The following DDX19B variants were observed in gnomAD, a reference collection of about 807,000 sequenced individuals.
The protein encoded by DDX19B is DEAD-box helicase 19B, also known as ATP-dependent RNA helicase DDX19B.
Under a neutral mutation model 58.1 loss-of-function variants are expected in DDX19B, and 27 were observed. The ratio of observed to expected loss-of-function variants is 0.46; its 90% confidence interval spans 0.34 to 0.64. The LOEUF (loss-of-function observed/expected upper bound fraction) is 0.64. Ranked by LOEUF, DDX19B falls within the 30% of genes least tolerant of loss-of-function variation. The pLI is 0.01. For synonymous variants in DDX19B, 187 were observed against 214.4 expected, an observed-to-expected ratio of 0.87 and a Z score of 1.12; for missense variants, 399 against 596.5, an observed-to-expected ratio of 0.67 and a Z score of 3.45.
chr16:70,331,344 G>GC (rs1285561999), intron 9 of DDX19B, among the ~76,000 whole-genome samples: 4 of 152,100 alleles, frequency 2.6e-5, no homozygotes, highest in African/African-American at 9.7e-5. Context: ...ACCATATCTG[G>GC]CAAGAACATA....
At position 70,334,869 on chromosome 16, in the gene DDX19B, A is replaced by C. The variant is rs1567642840; in HGVS notation, c.*1287A>C. 1 of 152,262 alleles carries C rather than the reference A, an allele frequency of 6.6e-6. No individual in the cohort carries two copies. The highest frequency in any genetic ancestry group is 6.5e-5 in the Admixed American group (1 of 15,274). The allele number at this position is 152,262 out of a possible 1,614,324, so 9.4% of individuals were successfully genotyped here. ...GAGAGGAAACTGAATTGCAAGAGCA[A>C]TATGAAACCCCAACCAAGAGGAGTA... On this transcript the variant is annotated 3_prime_UTR_variant, in exon 12 of 12. Coordinates refer to ENST00000288071, the MANE Select transcript of DDX19B (RefSeq NM_007242.7).
Position 70,333,731 on chromosome 16 carries a change from G to A in DDX19B, c.*149G>A, listed in dbSNP as rs1679. 39 of 1,234,074 alleles carry A rather than the reference G, an allele frequency of 3.2e-5. No individual in the cohort carries two copies. The Admixed American group carries it at 5.9e-4, about 19-fold the overall frequency. The allele number at this position is 1,234,074 out of a possible 1,614,324, so 76.4% of individuals were successfully genotyped here. On this transcript the variant is annotated 3_prime_UTR_variant, in exon 12 of 12. Coordinates refer to ENST00000288071, the MANE Select transcript of DDX19B (RefSeq NM_007242.7). The stretch of plus-strand genomic sequence containing the variant: ...CTCACTTCAAATTATGTTTGGACTT[G>A]ACAAAAATGTATGCAAATGATGGGG...
chr16:70,328,273 A>G (rs1217489063), intron 7 of DDX19B, among the ~76,000 whole-genome samples: 9 of 152,182 alleles, frequency 5.9e-5, no homozygotes, highest in Non-Finnish European at 8.8e-5. Context: ...AGTTCTGAAA[A>G]GTAAATAATA....
At chr16:70,331,645 G>A (rs1963482082) in intron 9 of DDX19B, 77 bp from the exon 10 acceptor site, 2 of 1,527,000 alleles carry the variant, frequency 1.3e-6, no homozygotes, top group Middle Eastern at 1.7e-4. Context: ...TTTAATCGTG[G>A]CAAGCCACTT....
chr16:70,299,262 T>TCCA lies in DDX19B; in HGVS notation c.-32_-30dup. ...ACGATCCCTCGTGCCATCCCTCGAA[T>TCCA]CCACCAGCACGAGCGTCCCACCCGC... is the stretch of plus-strand genomic sequence containing the variant. On this transcript the variant is annotated 5_prime_UTR_variant, in exon 1 of 12. Transcript: ENST00000288071. The TCCA allele has an allele frequency of 2.6e-6, 4 of 1,536,826 alleles. No individual in the cohort carries two copies. The highest frequency in any genetic ancestry group is 3.5e-6 in the Non-Finnish European group (4 of 1,142,428).
At position 70,333,753 on chromosome 16, in the gene DDX19B, G is replaced by T; in HGVS notation, c.*171G>T. On this transcript the variant is annotated 3_prime_UTR_variant, in exon 12 of 12. Transcript: ENST00000288071. ...CTTGACAAAAATGTATGCAAATGAT[G>T]GGGGATGGTAGAAAAAAATTATTTA... The T allele has an allele frequency of 1.0e-6, 1 of 970,186 alleles. No homozygotes were observed. Among genetic ancestry groups the T allele is most frequent in the South Asian group, 1.6e-5 (1 of 63,806 alleles). 60.1% of individuals were successfully genotyped at this position (970,186 alleles called of 1,614,324 possible). A position where few individuals can be genotyped will look rare whatever the true frequency, so the allele number is the denominator to read the frequency against.
At chr16:70,326,134 A>T (rs770831288) in intron 7 of DDX19B, among the ~76,000 whole-genome samples, 3 of 152,034 alleles carry the variant, frequency 2.0e-5, no homozygotes, top group Non-Finnish European at 4.4e-5. Context: ...TTCTCTCCCT[A>T]TTATATTTAA....
At chr16:70,291,682 G>A (rs952612571), upstream of DDX19B, among the ~76,000 whole-genome samples, 5 of 151,716 alleles carry the variant, frequency 3.3e-5, no homozygotes, top group African/African-American at 1.2e-4. Context: ...GTGGTGGCGG[G>A]CGCCTGTAGT....
chr16:70,330,814 T>TG (rs964956868), intron 9 of DDX19B, among the ~76,000 whole-genome samples: 6 of 151,424 alleles, frequency 4.0e-5, no homozygotes, highest in East Asian at 3.9e-4. Context: ...GAGGCTGAGG[T>TG]GGGGGGATCT....
intron 7 of DDX19B, among the ~76,000 whole-genome samples, chr16:70,328,733 T>C (rs1437664693): frequency 6.6e-6 from 1 of 152,056 alleles, no homozygotes; most frequent in Non-Finnish European, 1.5e-5. Flanking sequence ...AAATGCTAGA[T>C]CTTACTTATT....
chr16:70,332,119 G>C (rs921609550), intron 10 of DDX19B, among the ~76,000 whole-genome samples: 1 of 152,210 alleles, frequency 6.6e-6, no homozygotes, highest in Non-Finnish European at 1.5e-5. Context: ...GACTGGTAGA[G>C]AACAGAGCCT....
At position 70,333,727 on chromosome 16, in the gene DDX19B, A is replaced by T; in HGVS notation, c.*145A>T. On this transcript the variant is annotated 3_prime_UTR_variant, in exon 12 of 12. Coordinates refer to ENST00000288071, the MANE Select transcript of DDX19B (RefSeq NM_007242.7). ...CTACCTCACTTCAAATTATGTTTGG[A>T]CTTGACAAAAATGTATGCAAATGAT... 1 of 1,285,764 alleles carries T rather than the reference A, an allele frequency of 7.8e-7. No individual in the cohort carries two copies. Among genetic ancestry groups the T allele is most frequent in the Non-Finnish European group, 1.1e-6 (1 of 910,940 alleles). The allele number at this position is 1,285,764 out of a possible 1,614,324, so 79.6% of individuals were successfully genotyped here. A position where few individuals can be genotyped will look rare whatever the true frequency, so the allele number is the denominator to read the frequency against.
chr16:70,308,807 C>G (rs1427032914), intron 1 of DDX19B, among the ~76,000 whole-genome samples: 3 of 150,506 alleles, frequency 2.0e-5, no homozygotes, highest in Admixed American at 2.0e-4. Context: ...GCCACTGTGC[C>G]CAGCTGTTTT....
upstream of DDX19B, among the ~76,000 whole-genome samples, chr16:70,294,575 G>A (rs1961152392): frequency 6.6e-6 from 1 of 152,206 alleles, no homozygotes. Flanking sequence ...CTATGTGTTA[G>A]TCACTGAGGA....
At chr16:70,325,391 A>C (rs1253526806) in intron 6 of DDX19B, among the ~76,000 whole-genome samples, 183 bp from the exon 7 acceptor site, 1 of 152,206 alleles carries the variant, frequency 6.6e-6, no homozygotes, top group African/African-American at 2.4e-5. Flanking sequence ...ACCCAGCCAG[A>C]GTTCTGACCC....
rs970386202 is a variant in DDX19B, at chr16:70,326,978, GCGCCCACCACTA to G, written c.607+1297_607+1308del. ...GCCTCCTGAGTAGCTGGGACTACAGGCGCCCACCACTACGCCCAGCTAATTTTTTGTATTTTT... is the reference window on the plus strand; with the variant it reads ...GCCTCCTGAGTAGCTGGGACTACAGGCGCCCAGCTAATTTTTTGTATTTTT... On this transcript the variant is annotated intron_variant, in intron 7 of 11. Transcript: ENST00000288071. 4.0e-4 allele frequency among the ~76,000 whole-genome samples: 61 copies of G among 152,008 alleles called. 1 individual carries two copies. Among genetic ancestry groups the G allele is most frequent in the Admixed American group, 1.4e-3 (21 of 15,278 alleles).
At position 70,314,930 on chromosome 16, in the gene DDX19B, A is replaced by C; in HGVS notation, c.135A>C (p.Ala45=). Residue 45 remains alanine (A), a synonymous_variant, in exon 3 of 12, where the codon GCA becomes GCC. Transcript: ENST00000288071. Reference sequence around the variant, plus strand: ...CTGTTGTCAAGACCAATGCCAATGCAGAGAAGACAGATGAAGAAGAGAAAG... The same window carrying C: ...CTGTTGTCAAGACCAATGCCAATGCCGAGAAGACAGATGAAGAAGAGAAAG... ...NGAVVKTNAN[A]EKTDEEEKED... The C allele has an allele frequency of 2.5e-6, 4 of 1,609,352 alleles. No individual in the cohort carries two copies. Among genetic ancestry groups the C allele is most frequent in the Non-Finnish European group, 3.4e-6 (4 of 1,176,840 alleles).
rs200588402 is a variant in DDX19B at position 70,333,014 on chromosome 16, C to T, written c.1233C>T (p.Pro411=). 176 of 1,613,014 alleles carry T rather than the reference C, an allele frequency of 1.1e-4. No homozygotes were observed. In the Admixed American group the frequency reaches 1.3e-3, roughly 12 times the overall value. Residue 411 remains proline (P), a synonymous_variant, in exon 11 of 12, where the codon CCC becomes CCT. Transcript: ENST00000288071. ...QVSVVINFDL[P]VDKDGNPDNE... Reference sequence around the variant, plus strand: ...CTGTCGTCATCAACTTTGATCTTCCCGTGGACAAGGACGGGAATCCTGACA... The same window carrying T: ...CTGTCGTCATCAACTTTGATCTTCCTGTGGACAAGGACGGGAATCCTGACA...
intron 7 of DDX19B, among the ~76,000 whole-genome samples, chr16:70,328,778 A>G (rs889766148): frequency 1.9e-4 from 29 of 152,082 alleles, no homozygotes; most frequent in Admixed American, 5.2e-4. Flanking sequence ...CCTTTTCAGC[A>G]TTTTTGTCTG....
Sources: gnomAD v4.1 joint callset for allele counts (sites outside exome capture counted in the v4.1 genomes callset) on GRCh38, gnomAD v4.1.1 for gene constraint, MANE v1.5 for transcripts, NCBI Gene and HGNC (gene_info 2026-07-23, HGNC 2026-07-21) for gene names.